Variants in CAPN11 observed in about 807,000 individuals in gnomAD.
CAPN11 encodes calpain-11.
In CAPN11, 108 loss-of-function variants were observed where a neutral mutation model predicts 105.3. The observed-to-expected ratio is 1.03, with a 90% CI of 0.88 to 1.20. The LOEUF (loss-of-function observed/expected upper bound fraction) is 1.20, where lower values mean the gene tolerates loss of function less well. Among genes scored for constraint, CAPN11 ranks in the 50% most tolerant of loss-of-function variants. The pLI is 0.00. For missense variants in CAPN11, 883 were observed against 924.8 expected (o/e 0.95, Z 0.59); for synonymous variants, 329 against 344.5 (o/e 0.96, Z 0.50).
intron 4 of CAPN11, 54 bp downstream of exon 4, chr6:44,170,029 G>A (rs1418309382): frequency 7.3e-7 from 1 of 1,378,866 alleles, no homozygotes; most frequent in Non-Finnish European, 1.0e-6. Flanking sequence ...TTGGGGGAGG[G>A]GTGCCAGGGT....
chr6:44,172,565 C>T lies in CAPN11; in HGVS notation c.528+145C>T, dbSNP rs1426001959. The T allele has an allele frequency of 5.0e-6, 3 of 597,954 alleles. No individual in the cohort carries two copies. The African/African-American group carries it at 5.6e-5, about 11-fold the overall frequency. The allele number at this position is 597,954 out of a possible 1,614,324, so 37.0% of individuals were successfully genotyped here. The stretch of plus-strand genomic sequence containing the variant: ...TAATTATCAGAGAAATATCTGCCCA[C>T]CAAAGAAATCATGTAAGCTAATTTT... On this transcript the variant is annotated intron_variant, in intron 5 of 22. Coordinates refer to ENST00000398776, the MANE Select transcript of CAPN11 (RefSeq NM_007058.4).
In CAPN11 at chr6:44,169,990, G is replaced by T; in HGVS notation, c.409+15G>T. 1 of 1,602,350 alleles carries T rather than the reference G, an allele frequency of 6.2e-7. No homozygotes were observed. The highest frequency in any genetic ancestry group is 2.2e-5 in the East Asian group (1 of 44,680). The stretch of plus-strand genomic sequence containing the variant: ...GGGGATCCTCGGTGAGTGGGGCACA[G>T]GAAGCTGGTCTCCACCTGGGCAAGA... On this transcript the variant is annotated intron_variant, in intron 4 of 22. Transcript: ENST00000398776.
At chr6:44,179,529 C>A in intron 12 of CAPN11, 90 bp from the exon 13 acceptor site, 1 of 1,155,774 alleles carries the variant, frequency 8.7e-7, no homozygotes, top group Non-Finnish European at 1.3e-6. Context: ...CACACACAGA[C>A]ACACACTATA....
rs1394526580 is a variant in CAPN11 at position 44,182,935 on chromosome 6, C to G, written c.1939-6C>G. The G allele has an allele frequency of 3.7e-6, 6 of 1,601,536 alleles. No individual in the cohort carries two copies. Among genetic ancestry groups the G allele is most frequent in the Admixed American group, 3.4e-5 (2 of 58,654 alleles). ...GTGGCCCTACCATATCTGTCTGTCTCTTCAGGACATCTTCAGAGAGTGTGA... is the reference window on the plus strand; with the variant it reads ...GTGGCCCTACCATATCTGTCTGTCTGTTCAGGACATCTTCAGAGAGTGTGA... On this transcript the variant is annotated splice_region_variant and splice_polypyrimidine_tract_variant and intron_variant, in intron 19 of 22. Transcript: ENST00000398776.
At chr6:44,169,050 C>T (rs541715112) in intron 2 of CAPN11, 134 of 554,454 alleles carry the variant, frequency 2.4e-4, no homozygotes, top group Non-Finnish European at 4.1e-4. Context: ...CCCATTTCAG[C>T]CTCCTGAGTA....
At chr6:44,180,567 C>G in intron 15 of CAPN11, 30 bp from the exon 16 acceptor site, 1 of 1,613,664 alleles carries the variant, frequency 6.2e-7, no homozygotes, top group Non-Finnish European at 8.5e-7. Flanking sequence ...GTTTTCTGAC[C>G]AGGTCCCTTT....
chr6:44,172,120 C>A (rs1195514040), intron 4 of CAPN11, among the ~76,000 whole-genome samples, 182 bp from the exon 5 acceptor site: 2 of 152,168 alleles, frequency 1.3e-5, no homozygotes, highest in Admixed American at 1.3e-4. Flanking sequence ...CCTTCAGTTT[C>A]TCCCTGTTTA....
At position 44,180,602 on chromosome 6, in the gene CAPN11, G is replaced by C. The variant is rs1319783311; in HGVS notation, c.1686G>C (p.Lys562Asn). 1 of 1,613,830 alleles carries C rather than the reference G, an allele frequency of 6.2e-7. No homozygotes were observed. The highest frequency in any genetic ancestry group is 1.3e-5 in the African/African-American group (1 of 74,968). ...TCCTGCTCCCCGGCCCCCAGGAAAA[G>C]GTCTCTGAGGATGACATGGACCAGG... Reference protein sequence around the residue: ...VNYAEQLQEEKVSEDDMDQDF... With the variant: ...VNYAEQLQEENVSEDDMDQDF... The change falls in exon 16 of 23, where the codon AAG (lysine) becomes AAC (asparagine). Residue 562 changes from lysine to asparagine, a missense_variant. Physicochemically the swap from Lys to Asn is moderately conservative, Grantham distance 94. Transcript: ENST00000398776.
chr6:44,175,866 GA>G (rs1771905179), intron 7 of CAPN11, among the ~76,000 whole-genome samples: 1 of 152,184 alleles, frequency 6.6e-6, no homozygotes, highest in Non-Finnish European at 1.5e-5. Context: ...GGGGGAACCT[GA>G]GTATGGGATA....
At chr6:44,180,392 G>A in intron 14 of CAPN11, 68 bp from the exon 15 acceptor site, 1 of 1,454,262 alleles carries the variant, frequency 6.9e-7, no homozygotes, top group Non-Finnish European at 9.6e-7. Context: ...ATGACCCCCA[G>A]AGCACCCCAC....
At chr6:44,177,492 C>CTTTA in intron 12 of CAPN11, 72 bp downstream of exon 12, 1 of 1,044,368 alleles carries the variant, frequency 9.6e-7, no homozygotes, top group Non-Finnish European at 1.3e-6. Flanking sequence ...TTCTTTCTTT[C>CTTTA]TTTTTTTTTT....
At chr6:44,163,419 C>T (rs1029622990) in intron 1 of CAPN11, among the ~76,000 whole-genome samples, 10 of 152,216 alleles carry the variant, frequency 6.6e-5, no homozygotes, top group African/African-American at 2.4e-4. Flanking sequence ...AGTTGACTCA[C>T]TCATCCCTCT....
intron 4 of CAPN11, among the ~76,000 whole-genome samples, chr6:44,170,639 A>G (rs1045444026): frequency 2.0e-5 from 3 of 152,178 alleles, no homozygotes; most frequent in Non-Finnish European, 4.4e-5. Context: ...CTTCCACCAT[A>G]TTCTATTTGT....
Position 44,180,038 on chromosome 6 carries a change from A to T in CAPN11, c.1515A>T (p.Ser505=). 1.2e-6 allele frequency: 2 copies of T among 1,612,434 alleles called. No homozygotes were observed. The highest frequency in any genetic ancestry group is 3.3e-4 in the Middle Eastern group (2 of 6,060). The change falls in exon 14 of 23, where the codon TCA becomes TCT. Residue 505 remains serine, a synonymous_variant. Transcript: ENST00000398776. ...DHGFSEIFTN[S]REVSSQLRLP... is the part of the protein sequence containing the mutation. ...GCTTCTCAGAGATCTTCACCAACTC[A>T]CGGGAGGTGAGCAGCCAACTCCGGC...
chr6:44,160,509 C>T (rs950822806), intron 1 of CAPN11, among the ~76,000 whole-genome samples: 11 of 151,878 alleles, frequency 7.2e-5, no homozygotes, highest in Admixed American at 6.6e-5. Flanking sequence ...CCCAGCTACT[C>T]GGGAGGCTGA....
At chr6:44,182,300 C>CAT (rs1773877777) in intron 19 of CAPN11, among the ~76,000 whole-genome samples, 2 of 143,968 alleles carry the variant, frequency 1.4e-5, no homozygotes, top group Non-Finnish European at 1.5e-5. Flanking sequence ...CACACACACA[C>CAT]ACACACACAC....
intron 7 of CAPN11, 43 bp from the exon 8 acceptor site, chr6:44,176,025 C>T (rs953463191): frequency 1.4e-6 from 2 of 1,381,412 alleles, no homozygotes; most frequent in Non-Finnish European, 2.0e-6. Flanking sequence ...GTCCTCCATG[C>T]CCTCCATGCC....
At position 44,176,658 on chromosome 6, in the gene CAPN11, C is replaced by A; in HGVS notation, c.1076+3C>A. The A allele has an allele frequency of 6.3e-7, 1 of 1,596,346 alleles. No individual in the cohort carries two copies. Among genetic ancestry groups the A allele is most frequent in the South Asian group, 1.1e-5 (1 of 88,276 alleles). The stretch of plus-strand genomic sequence containing the variant: ...AAGACGGAGGACGGGGAGTTCTGGT[C>A]AGTGTGGCTTGGGGTGGGCTTCTTA... On this transcript the variant is annotated splice_donor_region_variant and intron_variant, in intron 10 of 22. Coordinates refer to ENST00000398776, the MANE Select transcript of CAPN11 (RefSeq NM_007058.4).
At chr6:44,181,401 GAACCC>G in intron 19 of CAPN11, 81 bp downstream of exon 19, 1 of 1,039,364 alleles carries the variant, frequency 9.6e-7, no homozygotes, top group Non-Finnish European at 1.4e-6. Context: ...GGGGAAGCTA[GAACCC>G]AAGCCCTAAC....
Sources: gnomAD v4.1 joint callset for allele counts (sites outside exome capture counted in the v4.1 genomes callset) on GRCh38, gnomAD v4.1.1 for gene constraint, MANE v1.5 for transcripts, NCBI Gene and HGNC (gene_info 2026-07-23, HGNC 2026-07-21) for gene names.